The following MAMDC2 variants were observed in gnomAD, a reference collection of about 807,000 sequenced individuals.
The protein encoded by MAMDC2 is MAM domain-containing protein 2.
In MAMDC2, 57 loss-of-function variants were observed where a neutral mutation model predicts 89.8. The observed-to-expected ratio is 0.63, with a 90% confidence interval of 0.51 to 0.79. The LOEUF (loss-of-function observed/expected upper bound fraction) is 0.79, where lower values mean the gene tolerates loss of function less well. Among genes scored for constraint, MAMDC2 ranks in the 30% least tolerant of loss-of-function variants. The pLI is 0.00. For synonymous variants in MAMDC2, 313 were observed against 293.4 expected (o/e 1.07, Z -0.68); for missense variants, 800 against 820.6 (o/e 0.97, Z 0.31).
At chr9:70,196,205 A>G (rs1486574550) in intron 11 of MAMDC2, among the ~76,000 whole-genome samples, 1 of 151,996 alleles carries the variant, frequency 6.6e-6, no homozygotes, top group African/African-American at 2.4e-5. Flanking sequence ...ACTTGGCCCC[A>G]CCTTTGGCAC....
chr9:70,140,205 A>G lies in MAMDC2; in HGVS notation c.1055A>G (p.Tyr352Cys), dbSNP rs756665675. Residue 352 changes from tyrosine to cysteine, a missense_variant, in exon 8 of 14, where the codon TAC becomes TGC. Physicochemically the swap from Tyr to Cys is radical, Grantham distance 194. Transcript: ENST00000377182. ...TTTGAGCAAGATCTCTGCAACTTTT[A>G]CCAAGATAAAGAAGGTCCAGGTTGG... ...CNFEQDLCNF[Y>C]QDKEGPGWTR... The G allele has an allele frequency of 1.3e-6, 2 of 1,595,678 alleles. No homozygotes were observed. The highest frequency in any genetic ancestry group is 1.7e-6 in the Non-Finnish European group (2 of 1,174,500).
intron 6 of MAMDC2, among the ~76,000 whole-genome samples, chr9:70,131,252 C>A (rs1265931834): frequency 6.6e-6 from 1 of 152,170 alleles, no homozygotes; most frequent in African/African-American, 2.4e-5. Context: ...TATTACCATT[C>A]CCTTAGGGGT....
At chr9:70,052,713 G>A (rs1449875708) in intron 2 of MAMDC2, among the ~76,000 whole-genome samples, 1 of 152,142 alleles carries the variant, frequency 6.6e-6, no homozygotes, top group Non-Finnish European at 1.5e-5. Context: ...TAAAGCCATT[G>A]TTGAGATTGA....
chr9:70,135,920 G>T (rs1290333269), intron 7 of MAMDC2, among the ~76,000 whole-genome samples: 1 of 152,212 alleles, frequency 6.6e-6, no homozygotes, highest in Non-Finnish European at 1.5e-5. Context: ...GGAGGCAAAG[G>T]AGGGTGGATT....
intron 9 of MAMDC2, among the ~76,000 whole-genome samples, chr9:70,168,301 G>A (rs1397647917): frequency 1.3e-5 from 2 of 152,120 alleles, no homozygotes; most frequent in Non-Finnish European, 2.9e-5. Flanking sequence ...AGACCAGCCT[G>A]GCCAACATGG....
intron 12 of MAMDC2, among the ~76,000 whole-genome samples, chr9:70,220,165 G>A (rs1927097): frequency 0.95 from 145,051 of 152,320 alleles, 69,096 homozygotes; most frequent in Middle Eastern, 0.99. Flanking sequence ...ATACTGATGC[G>A]CAAGTGCTCT....
chr9:70,193,862 T>C (rs1450377082), intron 11 of MAMDC2: 1 of 152,092 alleles, frequency 6.6e-6, no homozygotes, highest in African/African-American at 2.4e-5. Context: ...TCTTAAAGCC[T>C]GTCATCTATA....
chr9:70,158,897 A>G (rs554810605), intron 9 of MAMDC2, among the ~76,000 whole-genome samples: 1 of 152,314 alleles, frequency 6.6e-6, no homozygotes, highest in South Asian at 2.1e-4. Context: ...GTATCTAAAC[A>G]TATCTAAAGA....
chr9:70,105,224 A>C (rs1443537621), intron 2 of MAMDC2, among the ~76,000 whole-genome samples: 1 of 152,128 alleles, frequency 6.6e-6, no homozygotes, highest in Non-Finnish European at 1.5e-5. Flanking sequence ...CGTGACCACA[A>C]AATATACCCC....
chr9:70,217,667 A>C, intron 11 of MAMDC2: 4 of 1,570,548 alleles, frequency 2.5e-6, no homozygotes, highest in Non-Finnish European at 2.6e-6. Context: ...GGAAAACGCT[A>C]AACTGGCAGA....
intron 11 of MAMDC2, among the ~76,000 whole-genome samples, chr9:70,183,677 T>A (rs899186849): frequency 5.9e-5 from 9 of 152,214 alleles, no homozygotes; most frequent in Non-Finnish European, 4.4e-5. Flanking sequence ...CCTTGCTTTT[T>A]TTTTCTCTTT....
At chr9:70,190,295 C>A (rs2032851148) in intron 11 of MAMDC2, among the ~76,000 whole-genome samples, 1 of 152,100 alleles carries the variant, frequency 6.6e-6, no homozygotes, top group Non-Finnish European at 1.5e-5. Flanking sequence ...TGCTTAGTGA[C>A]TTTCCTAGAC....
At chr9:70,191,364 TA>T (rs141418341) in intron 11 of MAMDC2, among the ~76,000 whole-genome samples, 7,103 of 152,216 alleles carry the variant, frequency 0.047, 201 homozygotes, top group South Asian at 0.073. Flanking sequence ...TCTATTTTTT[TA>T]AACATATAAT....
chr9:70,218,246 TCTTGA>T (rs968904551), intron 11 of MAMDC2, 86 bp from the exon 12 acceptor site: 5 of 1,393,586 alleles, frequency 3.6e-6, no homozygotes, highest in Admixed American at 4.4e-5. Flanking sequence ...AGTCAGATCA[TCTTGA>T]CTTGACACTC....
At chr9:70,152,218 A>C (rs2031604289) in intron 9 of MAMDC2, among the ~76,000 whole-genome samples, 1 of 152,182 alleles carries the variant, frequency 6.6e-6, no homozygotes, top group South Asian at 2.1e-4. Context: ...GCTTATTAAT[A>C]ACCCCTTGCT....
chr9:70,207,000 G>A (rs1251364932), intron 11 of MAMDC2, among the ~76,000 whole-genome samples: 1 of 152,174 alleles, frequency 6.6e-6, no homozygotes, highest in East Asian at 1.9e-4. Flanking sequence ...TGGTGTATAT[G>A]TGCCACATTT....
chr9:70,212,341 C>T (rs1458554632), intron 11 of MAMDC2, among the ~76,000 whole-genome samples: 3 of 152,236 alleles, frequency 2.0e-5, no homozygotes, highest in Admixed American at 6.5e-5. Flanking sequence ...ATGCCCCTTC[C>T]CCAGCCTCGC....
intron 9 of MAMDC2, chr9:70,154,037 GGGT>G (rs1225842894): frequency 2.0e-5 from 3 of 152,150 alleles, no homozygotes; most frequent in African/African-American, 7.2e-5. Context: ...CCTTGTTAAA[GGGT>G]GGCAATTTTC....
chr9:70,208,586 C>G (rs2033281229), intron 11 of MAMDC2, among the ~76,000 whole-genome samples: 1 of 152,154 alleles, frequency 6.6e-6, no homozygotes. Context: ...CAAACAGGCA[C>G]AATTTGACTT....
Sources: allele counts gnomAD v4.1 joint callset (sites outside exome capture counted in the v4.1 genomes callset), GRCh38; gene constraint gnomAD v4.1.1; transcripts MANE v1.5; gene names NCBI Gene and HGNC (gene_info 2026-07-23, HGNC 2026-07-21).